PTTG1IP: variants seen among roughly 807,000 people sequenced by gnomAD.
PTTG1IP encodes the protein PTTG1 interacting protein.
Under a neutral mutation model 24.4 loss-of-function variants are expected in PTTG1IP, and 16 were observed. The observed-to-expected ratio is 0.66, with a 90% CI of 0.44 to 1.00. The LOEUF is 1.00. Ranked by LOEUF, PTTG1IP falls within the 50% of genes least tolerant of loss-of-function variation. The probability of loss-of-function intolerance (pLI) is 0.00; values close to 1 mark genes in which losing one functional copy is unlikely to be tolerated. For missense variants in PTTG1IP, 241 were observed against 245.8 expected (o/e 0.98, Z 0.13); for synonymous variants, 89 against 96.8 (o/e 0.92, Z 0.47).
At chr21:44,857,404 T>C (rs1405736901) in intron 3 of PTTG1IP, among the ~76,000 whole-genome samples, 1 of 152,176 alleles carries the variant, frequency 6.6e-6, no homozygotes. Context: ...GGAGGATCGC[T>C]TGAGCTTGGG....
At chr21:44,873,384 G>T (rs1416498849) in intron 1 of PTTG1IP, 118 bp downstream of exon 1, 12 of 1,022,436 alleles carry the variant, frequency 1.2e-5, no homozygotes, top group Non-Finnish European at 1.5e-5. Flanking sequence ...GCCTGCGACC[G>T]TGGGCCCAGG....
At chr21:44,861,720 C>T (rs955694952) in intron 2 of PTTG1IP, 2 of 716,760 alleles carry the variant, frequency 2.8e-6, no homozygotes, top group Non-Finnish European at 2.6e-6. Flanking sequence ...CCACCCCCTC[C>T]TCCTCACCTC....
chr21:44,861,092 G>A lies in PTTG1IP; in HGVS notation c.277+71C>T, dbSNP rs1033134579. 19 of 1,371,202 alleles carry A rather than the reference G, an allele frequency of 1.4e-5. 1 individual carries two copies. Among genetic ancestry groups the A allele is most frequent in the African/African-American group, 1.3e-4 (9 of 69,290 alleles). 84.9% of individuals were successfully genotyped at this position (1,371,202 alleles called of 1,614,324 possible). ...GCTGGGATTACAGACGTGAGCCACC[G>A]CGCCCGGCCCATACTACTATTTTCA... On this transcript the variant is annotated intron_variant, in intron 3 of 5. Coordinates refer to ENST00000330938, the MANE Select transcript of PTTG1IP (RefSeq NM_004339.4).
chr21:44,862,788 T>A (rs549568478), intron 2 of PTTG1IP, among the ~76,000 whole-genome samples: 1 of 152,236 alleles, frequency 6.6e-6, no homozygotes, highest in East Asian at 1.9e-4. Flanking sequence ...GTTTCCAGCA[T>A]AATGTAACAA....
intron 1 of PTTG1IP, among the ~76,000 whole-genome samples, chr21:44,869,198 C>G (rs2083565359): frequency 6.6e-6 from 1 of 152,132 alleles, no homozygotes; most frequent in African/African-American, 2.4e-5. Context: ...AACTTGTGAT[C>G]CTGGATTTCA....
chr21:44,860,327 C>A (rs928092420), intron 3 of PTTG1IP, among the ~76,000 whole-genome samples: 5 of 152,086 alleles, frequency 3.3e-5, no homozygotes, highest in African/African-American at 4.8e-5. Flanking sequence ...CAAGATAGTG[C>A]CATTGCACTC....
chr21:44,861,989 A>G, intron 2 of PTTG1IP: 1 of 636,180 alleles, frequency 1.6e-6, no homozygotes, highest in Non-Finnish European at 2.9e-6. Context: ...CTAAACTGAC[A>G]GCTGGAGAGA....
rs564176058 is a variant in PTTG1IP, at chr21:44,856,437, C to T, written c.278-73G>A. On this transcript the variant is annotated intron_variant, in intron 3 of 5. Transcript: ENST00000330938. Reference sequence around the variant, plus strand: ...CACCCAGCACAGCAGCCTTCCCTCGCCCCTGGGGAACAACCTCAGGACACA... The same window carrying T: ...CACCCAGCACAGCAGCCTTCCCTCGTCCCTGGGGAACAACCTCAGGACACA... 14 of 1,484,508 alleles carry T rather than the reference C, an allele frequency of 9.4e-6. No individual in the cohort carries two copies. The South Asian group carries it at 1.6e-4, about 17-fold the overall frequency. 92.0% of individuals were successfully genotyped at this position (1,484,508 alleles called of 1,614,324 possible).
intron 1 of PTTG1IP, among the ~76,000 whole-genome samples, chr21:44,871,093 G>A (rs568333837): frequency 3.3e-5 from 5 of 152,366 alleles, no homozygotes; most frequent in Admixed American, 6.5e-5. Flanking sequence ...AATTCCAGGT[G>A]AGAAAAGAGG....
rs935509115 is a variant in PTTG1IP at position 44,855,347 on chromosome 21, G to A, written c.450-91C>T. ...CCCTTCCGTGTCCCTCAGTGGGGGC[G>A]CCAGGTTTCTTCTGGTGGCTTCCCT... On this transcript the variant is annotated intron_variant, in intron 4 of 5. Coordinates refer to ENST00000330938, the MANE Select transcript of PTTG1IP (RefSeq NM_004339.4). 8.2e-5 allele frequency: 114 copies of A among 1,382,642 alleles called. 2 individuals are homozygous for A. The highest frequency in any genetic ancestry group is 4.4e-4 in the South Asian group (38 of 85,820). The allele number at this position is 1,382,642 out of a possible 1,614,324, so 85.6% of individuals were successfully genotyped here. A position where few individuals can be genotyped will look rare whatever the true frequency, so the allele number is the denominator to read the frequency against.
At chr21:44,862,489 A>G (rs2083499864) in intron 2 of PTTG1IP, among the ~76,000 whole-genome samples, 1 of 152,214 alleles carries the variant, frequency 6.6e-6, no homozygotes, top group African/African-American at 2.4e-5. Flanking sequence ...ATTGCACTCC[A>G]GCCTGGGCAA....
chr21:44,856,841 T>C (rs1026821198), intron 3 of PTTG1IP, among the ~76,000 whole-genome samples: 10 of 152,178 alleles, frequency 6.6e-5, no homozygotes, highest in South Asian at 4.2e-4. Flanking sequence ...ACAAGAGAAA[T>C]AGACTCTCAG....
chr21:44,866,319 TCCC>T (rs1304715725), intron 1 of PTTG1IP, among the ~76,000 whole-genome samples: 6 of 75,198 alleles, frequency 8.0e-5, no homozygotes, highest in African/African-American at 2.0e-4. Context: ...GACTGCCTAC[TCCC>T]CCAATCCCAT....
chr21:44,856,373 T>C lies in PTTG1IP; in HGVS notation c.278-9A>G, dbSNP rs1333270574. On this transcript the variant is annotated splice_polypyrimidine_tract_variant and intron_variant, in intron 3 of 5. Transcript: ENST00000330938. ...CAGCGCCTCAAAGTTCACTGGAGAT[T>C]CAAGCACCTGGAGTTAGGGCCGCCC... The C allele has an allele frequency of 1.9e-6, 3 of 1,606,328 alleles. No individual in the cohort carries two copies. The highest frequency in any genetic ancestry group is 1.7e-5 in the Admixed American group (1 of 59,622).
At chr21:44,854,240 C>T (rs1335973616) in intron 5 of PTTG1IP, among the ~76,000 whole-genome samples, 1 of 152,144 alleles carries the variant, frequency 6.6e-6, no homozygotes, top group Non-Finnish European at 1.5e-5. Context: ...TATGATATTC[C>T]CTAAAACAAA....
chr21:44,870,647 A>G (rs1052878567), intron 1 of PTTG1IP, among the ~76,000 whole-genome samples: 1 of 152,146 alleles, frequency 6.6e-6, no homozygotes, highest in Non-Finnish European at 1.5e-5. Context: ...CAGAAAAAAC[A>G]TGTGCTAGAA....
At chr21:44,871,459 T>G (rs1269595279) in intron 1 of PTTG1IP, among the ~76,000 whole-genome samples, 1 of 152,236 alleles carries the variant, frequency 6.6e-6, no homozygotes, top group Non-Finnish European at 1.5e-5. Context: ...TATCCAGGTT[T>G]AACTTCAAGA....
chr21:44,871,715 C>T (rs1257090911), intron 1 of PTTG1IP, among the ~76,000 whole-genome samples: 4 of 152,162 alleles, frequency 2.6e-5, no homozygotes, highest in Admixed American at 6.5e-5. Flanking sequence ...GGGAGTTCTC[C>T]AGGCTATAAA....
At chr21:44,858,380 G>A (rs573429412) in intron 3 of PTTG1IP, among the ~76,000 whole-genome samples, 19 of 152,318 alleles carry the variant, frequency 1.2e-4, no homozygotes, top group East Asian at 7.7e-4. Context: ...CTGAGGGCCC[G>A]GCCACAACTG....
Sources: allele counts gnomAD v4.1 joint callset (sites outside exome capture counted in the v4.1 genomes callset), GRCh38; gene constraint gnomAD v4.1.1; transcripts MANE v1.5; gene names NCBI Gene and HGNC (gene_info 2026-07-23, HGNC 2026-07-21).